The following TMEM108 variants were observed in gnomAD, a reference collection of about 807,000 sequenced individuals.
The protein encoded by TMEM108 is cancer/testis antigen 124.
In TMEM108, 12 loss-of-function variants were observed where a neutral mutation model predicts 35.1. The observed-to-expected ratio is 0.34, with a 90% CI of 0.22 to 0.55. The LOEUF (loss-of-function observed/expected upper bound fraction) is 0.55. Ranked by LOEUF, TMEM108 falls within the 20% of genes least tolerant of loss-of-function variation. The pLI, the probability that TMEM108 is intolerant of heterozygous loss-of-function variation, is 0.89. For synonymous variants in TMEM108, 287 were observed against 308.6 expected (o/e 0.93, Z 0.73); for missense variants, 680 against 753.3 (o/e 0.90, Z 1.14).
chr3:133,089,499 G>C (rs998115797), intron 2 of TMEM108, among the ~76,000 whole-genome samples: 2 of 152,164 alleles, frequency 1.3e-5, no homozygotes, highest in African/African-American at 4.8e-5. Flanking sequence ...TACTCTGAAT[G>C]TGCCTCATGG....
At chr3:133,234,253 A>C (rs1347327986) in intron 3 of TMEM108, among the ~76,000 whole-genome samples, 1 of 152,096 alleles carries the variant, frequency 6.6e-6, no homozygotes, top group East Asian at 1.9e-4. Flanking sequence ...TCAGCTTTCT[A>C]CATATGGCTA....
At chr3:133,217,235 T>C (rs1945922239) in intron 2 of TMEM108, among the ~76,000 whole-genome samples, 1 of 152,106 alleles carries the variant, frequency 6.6e-6, no homozygotes. Context: ...ATATCCTCTT[T>C]TGAGAAATGT....
At chr3:133,056,738 C>T (rs1943470087) in intron 2 of TMEM108, among the ~76,000 whole-genome samples, 1 of 152,148 alleles carries the variant, frequency 6.6e-6, no homozygotes, top group Non-Finnish European at 1.5e-5. Context: ...TACCTATGAT[C>T]GTGAAAACTA....
intron 2 of TMEM108, among the ~76,000 whole-genome samples, chr3:133,200,981 A>G (rs1049042256): frequency 6.6e-6 from 1 of 152,126 alleles, no homozygotes; most frequent in Admixed American, 6.5e-5. Flanking sequence ...CTTGGACAGC[A>G]CCCCTTATGT....
rs1039398592 is a variant in TMEM108 at position 133,396,013 on chromosome 3, C to T, written c.*27C>T. On this transcript the variant is annotated 3_prime_UTR_variant, in exon 6 of 6. Coordinates refer to ENST00000321871, the MANE Select transcript of TMEM108 (RefSeq NM_023943.4). ...TACAGCAGGCATCACTTTGCCATTC[C>T]GTATTTTTCGTCTCTAAATTATAAA... is the stretch of plus-strand genomic sequence containing the variant. 39 of 1,487,016 alleles carry T rather than the reference C, an allele frequency of 2.6e-5. No individual in the cohort carries two copies. Among genetic ancestry groups the T allele is most frequent in the Non-Finnish European group, 3.4e-5 (38 of 1,116,706 alleles). The allele number at this position is 1,487,016 out of a possible 1,614,324, so 92.1% of individuals were successfully genotyped here.
At chr3:133,170,181 T>C (rs1945109363) in intron 2 of TMEM108, among the ~76,000 whole-genome samples, 2 of 152,140 alleles carry the variant, frequency 1.3e-5, no homozygotes, top group South Asian at 4.1e-4. Flanking sequence ...AAAAAAGAAA[T>C]AATTCCAAAC....
intron 2 of TMEM108, among the ~76,000 whole-genome samples, chr3:133,143,421 GAAAAA>G (rs535004606): frequency 2.2e-5 from 3 of 135,316 alleles, no homozygotes; most frequent in Non-Finnish European, 4.9e-5. Context: ...GTTTAAAAAA[GAAAAA>G]AAAAAAGAGT....
intron 2 of TMEM108, among the ~76,000 whole-genome samples, chr3:133,167,179 T>C (rs866376369): frequency 6.6e-6 from 1 of 152,246 alleles, no homozygotes; most frequent in African/African-American, 2.4e-5. Flanking sequence ...TTTACAAACC[T>C]TGAGCTAGAC....
chr3:133,061,103 A>G (rs1443329892), intron 2 of TMEM108, among the ~76,000 whole-genome samples: 1 of 152,172 alleles, frequency 6.6e-6, no homozygotes, highest in Non-Finnish European at 1.5e-5. Context: ...GTATATGAAC[A>G]TGCAAGGCCT....
At chr3:133,141,184 G>T (rs1383489499) in intron 2 of TMEM108, among the ~76,000 whole-genome samples, 1 of 152,190 alleles carries the variant, frequency 6.6e-6, no homozygotes, top group Non-Finnish European at 1.5e-5. Flanking sequence ...CTCTCTAATG[G>T]TTAGGTTGTT....
At chr3:133,146,300 C>A (rs781214342) in intron 2 of TMEM108, among the ~76,000 whole-genome samples, 1 of 152,180 alleles carries the variant, frequency 6.6e-6, no homozygotes, top group Non-Finnish European at 1.5e-5. Flanking sequence ...AGCCTTGCAT[C>A]CCTGGGATGA....
At chr3:133,082,179 G>A (rs1253852638) in intron 2 of TMEM108, among the ~76,000 whole-genome samples, 2 of 152,216 alleles carry the variant, frequency 1.3e-5, no homozygotes, top group Non-Finnish European at 2.9e-5. Context: ...TTGAGTGCCT[G>A]CTTTGTGCCC....
intron 2 of TMEM108, among the ~76,000 whole-genome samples, chr3:133,196,355 A>T (rs1277439746): frequency 4.6e-5 from 7 of 152,216 alleles, no homozygotes; most frequent in Admixed American, 4.6e-4. Flanking sequence ...GGAGCCTACC[A>T]GTGGTATACA....
intron 2 of TMEM108, among the ~76,000 whole-genome samples, chr3:133,105,565 G>T (rs1237533533): frequency 6.6e-6 from 1 of 152,156 alleles, no homozygotes; most frequent in Non-Finnish European, 1.5e-5. Context: ...TTCCTTCACT[G>T]CAGTACCTGG....
chr3:133,242,629 A>C (rs995861155), intron 3 of TMEM108, among the ~76,000 whole-genome samples: 2 of 152,242 alleles, frequency 1.3e-5, no homozygotes, highest in Non-Finnish European at 2.9e-5. Context: ...TCATGCTCAC[A>C]TGTAGCACTG....
At position 133,136,790 on chromosome 3, in the gene TMEM108, T is replaced by C. The variant is rs146656621; in HGVS notation, c.-47+90770T>C. 5.3e-4 allele frequency among the ~76,000 whole-genome samples: 80 copies of C among 152,312 alleles called. No homozygotes were observed. The East Asian group carries it at 0.013, about 24-fold the overall frequency. On this transcript the variant is annotated intron_variant, in intron 2 of 5. Coordinates refer to ENST00000321871, the MANE Select transcript of TMEM108 (RefSeq NM_023943.4). ...AAAACAAAAATTGTACTATAAAATG[T>C]TTTATTTGGGGAGCTGTGCTCTGGC...
At chr3:133,287,670 T>C (rs1389975445) in intron 3 of TMEM108, among the ~76,000 whole-genome samples, 1 of 152,194 alleles carries the variant, frequency 6.6e-6, no homozygotes, top group African/African-American at 2.4e-5. Context: ...TTCTAAGATA[T>C]ACTTATCACC....
At chr3:133,151,637 A>G (rs1246982969) in intron 2 of TMEM108, among the ~76,000 whole-genome samples, 1 of 152,170 alleles carries the variant, frequency 6.6e-6, no homozygotes, top group Non-Finnish European at 1.5e-5. Flanking sequence ...AAATAATAGT[A>G]ACAAAGAGCC....
intron 3 of TMEM108, among the ~76,000 whole-genome samples, chr3:133,351,901 T>C (rs1182810111): frequency 6.6e-6 from 1 of 152,182 alleles, no homozygotes; most frequent in Non-Finnish European, 1.5e-5. Context: ...TGACTTTCAG[T>C]CTTGGCTTCA....
Sources: allele counts gnomAD v4.1 joint callset (sites outside exome capture counted in the v4.1 genomes callset), GRCh38; gene constraint gnomAD v4.1.1; transcripts MANE v1.5; gene names NCBI Gene and HGNC (gene_info 2026-07-23, HGNC 2026-07-21).